The following PCDHA12 variants were observed in gnomAD, a reference collection of about 807,000 sequenced individuals.
The protein encoded by PCDHA12 is protocadherin alpha 12.
PCDHA12 carries 44 observed loss-of-function variants against 60.0 expected under a neutral mutation model. That is an observed-to-expected ratio of 0.73 (90% CI 0.58 to 0.94). The LOEUF (loss-of-function observed/expected upper bound fraction) is 0.94. Ranked by LOEUF, PCDHA12 falls within the 40% of genes least tolerant of loss-of-function variation. The pLI, the probability that PCDHA12 is intolerant of heterozygous loss-of-function variation, is 0.00. For synonymous variants in PCDHA12, 569 were observed against 553.0 expected, an observed-to-expected ratio of 1.03 and a Z score of -0.40; for missense variants, 1,276 against 1,239.7, an observed-to-expected ratio of 1.03 and a Z score of -0.44.
At chr5:140,878,093 G>C (rs1209778256) in intron 1 of PCDHA12, 1 of 292,952 alleles carries the variant, frequency 3.4e-6, no homozygotes, top group Non-Finnish European at 6.0e-6. Context: ...TTATATGACT[G>C]ATGAACCTTG....
chr5:140,882,637 G>A (rs540228460), intron 1 of PCDHA12: 1 of 1,614,234 alleles, frequency 6.2e-7, no homozygotes, highest in African/African-American at 1.3e-5. Flanking sequence ...AGGTGAAGGT[G>A]AGGGACATTA....
At chr5:140,991,919 A>T (rs185947527) in intron 3 of PCDHA12, among the ~76,000 whole-genome samples, 96 of 152,274 alleles carry the variant, frequency 6.3e-4, no homozygotes, top group Admixed American at 1.2e-3. Flanking sequence ...GCCATGTAAC[A>T]TAACATATTC....
chr5:141,006,157 A>G (rs2098258108), intron 3 of PCDHA12, among the ~76,000 whole-genome samples: 1 of 150,182 alleles, frequency 6.7e-6, no homozygotes, highest in Non-Finnish European at 1.5e-5. Context: ...GGAGTGATAT[A>G]ATCTGATTTA....
At chr5:140,899,575 G>C (rs1347901369) in intron 1 of PCDHA12, among the ~76,000 whole-genome samples, 1 of 152,086 alleles carries the variant, frequency 6.6e-6, no homozygotes, top group African/African-American at 2.4e-5. Flanking sequence ...TGCTGGATTC[G>C]GTTTGCCAGT....
At position 140,882,079 on chromosome 5, in the gene PCDHA12, G is replaced by C. The variant is rs2058940272; in HGVS notation, c.2367+4240G>C. 3.1e-6 allele frequency: 3 copies of C among 952,854 alleles called. No homozygotes were observed. In the East Asian group the frequency reaches 7.8e-5, roughly 25 times the overall value. The allele number at this position is 952,854 out of a possible 1,614,324, so 59.0% of individuals were successfully genotyped here. A position where few individuals can be genotyped will look rare whatever the true frequency, so the allele number is the denominator to read the frequency against. On this transcript the variant is annotated intron_variant, in intron 1 of 3. Transcript: ENST00000398631. ...CTTACACGTTCATGCGCATGGTGTCGCTCTTCACTGAGAACGTTTCCGCGA... is the reference window on the plus strand; with the variant it reads ...CTTACACGTTCATGCGCATGGTGTCCCTCTTCACTGAGAACGTTTCCGCGA...
chr5:140,916,584 G>T (rs1257440146), intron 1 of PCDHA12, among the ~76,000 whole-genome samples: 1 of 152,186 alleles, frequency 6.6e-6, no homozygotes, highest in Non-Finnish European at 1.5e-5. Flanking sequence ...TGTCATCCAT[G>T]AGCTAGGGCC....
intron 1 of PCDHA12, among the ~76,000 whole-genome samples, chr5:140,955,336 T>G (rs1294171389): frequency 1.3e-5 from 2 of 152,144 alleles, no homozygotes; most frequent in African/African-American, 2.4e-5. Context: ...GTTCCCATAA[T>G]CCCCACATGT....
intron 3 of PCDHA12, among the ~76,000 whole-genome samples, chr5:141,000,387 C>G (rs868946328): frequency 1.5e-5 from 1 of 66,898 alleles, no homozygotes. Context: ...CTCTCTCTCT[C>G]TCTCTCTCTA....
rs1395855806 is a variant in PCDHA12, at chr5:140,877,838, A to G, written c.2366A>G (p.Glu789Gly). The G allele has an allele frequency of 1.0e-5, 16 of 1,583,236 alleles. No homozygotes were observed. Among genetic ancestry groups the G allele is most frequent in the Non-Finnish European group, 1.4e-5 (16 of 1,168,282 alleles). ...SREDCLNPPS[E>G]PRQPNPDWRY... ...GAAGATTGTTTAAATCCTCCCAGTG[A>G]AGTAAGTTATTAATATTATTTAGAT... is the stretch of plus-strand genomic sequence containing the variant. The change falls in exon 1 of 4, where the codon GAA becomes GGA. Residue 789 changes from glutamate to glycine, a missense_variant and splice_region_variant. Transcript: ENST00000398631.
At chr5:141,000,609 G>A (rs2097951405) in intron 3 of PCDHA12, among the ~76,000 whole-genome samples, 1 of 150,600 alleles carries the variant, frequency 6.6e-6, no homozygotes. Context: ...TGTATTTTTA[G>A]TAGAGACAGG....
intron 1 of PCDHA12, among the ~76,000 whole-genome samples, chr5:140,886,563 C>CA (rs1344648100): frequency 6.6e-6 from 1 of 152,024 alleles, no homozygotes. Context: ...CACGGTGGCT[C>CA]ACGCCTGTAA....
chr5:141,002,681 C>T (rs556518008), intron 3 of PCDHA12, among the ~76,000 whole-genome samples: 32 of 152,154 alleles, frequency 2.1e-4, no homozygotes, highest in Non-Finnish European at 4.0e-4. Context: ...ACCTATACGA[C>T]GTGCAGATTT....
intron 1 of PCDHA12, among the ~76,000 whole-genome samples, chr5:140,955,906 G>T (rs1044355938): frequency 2.0e-5 from 3 of 152,040 alleles, no homozygotes; most frequent in East Asian, 3.9e-4. Flanking sequence ...TCTCTTTGTA[G>T]CAATTGTGAA....
At position 141,011,407 on chromosome 5, in the gene PCDHA12, G is replaced by A. The variant is rs782613069; in HGVS notation, c.*1470G>A. On this transcript the variant is annotated 3_prime_UTR_variant, in exon 4 of 4. Coordinates refer to ENST00000398631, the MANE Select transcript of PCDHA12 (RefSeq NM_018903.4). ...TGAAATATACTTACTCTGTGCTTGT[G>A]TATGTGAATGTTAATGCAACTATTA... is the stretch of plus-strand genomic sequence containing the variant. The A allele has an allele frequency of 2.0e-5, 3 of 153,718 alleles. No individual in the cohort carries two copies. The highest frequency in any genetic ancestry group is 6.5e-5 in the Admixed American group (1 of 15,284). The allele number at this position is 153,718 out of a possible 1,614,324, so 9.5% of individuals were successfully genotyped here.
rs1266651704 is a variant in PCDHA12, at chr5:140,877,267, G to A, written c.1795G>A (p.Ala599Thr). ...HVVAKVRAVDADSGYNAWLSY... is the reference protein window; with the variant it reads ...HVVAKVRAVDTDSGYNAWLSY... ...GGTGGCGAAAGTGCGCGCGGTGGAC[G>A]CTGACTCCGGCTATAACGCTTGGCT... Residue 599 changes from alanine (A) to threonine (T), a missense_variant, in exon 1 of 4, where the codon GCT becomes ACT. Physicochemically the swap from Ala to Thr is moderately conservative, Grantham distance 58. Coordinates refer to ENST00000398631, the MANE Select transcript of PCDHA12 (RefSeq NM_018903.4). 1.2e-5 allele frequency: 20 copies of A among 1,613,680 alleles called. No homozygotes were observed. Among genetic ancestry groups the A allele is most frequent in the Admixed American group, 6.7e-5 (4 of 59,982 alleles).
chr5:140,929,931 A>G (rs2086483535), intron 1 of PCDHA12: 1 of 152,250 alleles, frequency 6.6e-6, no homozygotes, highest in Non-Finnish European at 1.5e-5. Flanking sequence ...AAAACAGTGT[A>G]TTCTCTAGCC....
chr5:140,906,137 G>C (rs1462672499), intron 1 of PCDHA12, among the ~76,000 whole-genome samples: 1 of 152,008 alleles, frequency 6.6e-6, no homozygotes, highest in East Asian at 1.9e-4. Context: ...AGTCTCCTTT[G>C]ATAACACCCT....
At position 140,875,538 on chromosome 5, in the gene PCDHA12, A is replaced by C; in HGVS notation, c.66A>C (p.Ala22=). ...QRLLLSLLLL[A]AWEVGSGQLH... Reference sequence around the variant, plus strand: ...TGCTGCTCTCGCTTCTGCTCCTTGCAGCCTGGGAGGTGGGGAGCGGCCAGC... The same window carrying C: ...TGCTGCTCTCGCTTCTGCTCCTTGCCGCCTGGGAGGTGGGGAGCGGCCAGC... The change falls in exon 1 of 4, where the codon GCA becomes GCC. Residue 22 remains alanine (A), a synonymous_variant. Transcript: ENST00000398631. 17 of 1,614,126 alleles carry C rather than the reference A, an allele frequency of 1.1e-5. No homozygotes were observed. The highest frequency in any genetic ancestry group is 1.4e-5 in the Non-Finnish European group (17 of 1,180,014).
At chr5:140,939,965 C>T (rs565275285) in intron 1 of PCDHA12, among the ~76,000 whole-genome samples, 1 of 152,100 alleles carries the variant, frequency 6.6e-6, no homozygotes, top group African/African-American at 2.4e-5. Context: ...TAAAGTGTTC[C>T]ACGATGAATA....
Sources: gnomAD v4.1 joint callset for allele counts (sites outside exome capture counted in the v4.1 genomes callset) on GRCh38, gnomAD v4.1.1 for gene constraint, MANE v1.5 for transcripts, NCBI Gene and HGNC (gene_info 2026-07-23, HGNC 2026-07-21) for gene names.